The following DCC variants were observed in gnomAD, a reference collection of about 807,000 sequenced individuals.
DCC encodes netrin receptor DCC.
DCC carries 58 observed loss-of-function variants against 172.5 expected under a neutral mutation model. The ratio of observed to expected loss-of-function variants is 0.34; its 90% CI spans 0.27 to 0.42. The LOEUF (loss-of-function observed/expected upper bound fraction) is 0.42, where lower values mean the gene tolerates loss of function less well. DCC is among the 10% of genes least tolerant of loss of function. The probability of loss-of-function intolerance (pLI) is 1.00; values close to 1 mark genes in which losing one functional copy is unlikely to be tolerated. For synonymous variants in DCC, 709 were observed against 644.5 expected, an observed-to-expected ratio of 1.10 and a Z score of -1.52; for missense variants, 1,740 against 1,791.0, an observed-to-expected ratio of 0.97 and a Z score of 0.51.
chr18:53,410,622 C>A lies in DCC; in HGVS notation c.3106C>A (p.Pro1036Thr). The change falls in exon 20 of 29, where the codon CCT (proline) becomes ACT (threonine). Residue 1036 changes from proline (P) to threonine (T), a missense_variant. By Grantham distance (38) the Pro-to-Thr change is conservative. Transcript: ENST00000442544. ...AAAAGGAGTGGGGCCACTCTCTGAT[C>A]CTATCCTCTTCAGGACTCTGAAAGG... ...NSKGVGPLSD[P>T]ILFRTLKVEH... 1.9e-6 allele frequency: 3 copies of A among 1,604,324 alleles called. No individual in the cohort carries two copies. The highest frequency in any genetic ancestry group is 2.6e-6 in the Non-Finnish European group (3 of 1,170,970).
intron 2 of DCC, among the ~76,000 whole-genome samples, chr18:52,786,606 A>G (rs921246832): frequency 2.6e-5 from 4 of 152,148 alleles, no homozygotes; most frequent in African/African-American, 9.6e-5. Flanking sequence ...ACTCAGTTCC[A>G]CAAGGAATCT....
At chr18:53,469,653 A>G (rs1422758299) in intron 25 of DCC, among the ~76,000 whole-genome samples, 1 of 151,882 alleles carries the variant, frequency 6.6e-6, no homozygotes, top group Non-Finnish European at 1.5e-5. Flanking sequence ...TTCCTGCATC[A>G]TCAGTTTTTT....
chr18:52,730,869 C>T (rs984296066), intron 1 of DCC, among the ~76,000 whole-genome samples: 2 of 152,150 alleles, frequency 1.3e-5, no homozygotes, highest in Non-Finnish European at 2.9e-5. Flanking sequence ...CACTGCACCC[C>T]AAGAATTAGG....
chr18:52,952,807 C>T (rs2040673928), intron 5 of DCC, among the ~76,000 whole-genome samples: 1 of 151,672 alleles, frequency 6.6e-6, no homozygotes, highest in African/African-American at 2.4e-5. Flanking sequence ...CAAGACTATC[C>T]TCGGCAACAT....
At chr18:52,895,102 C>T (rs572178747) in intron 2 of DCC, among the ~76,000 whole-genome samples, 37 of 152,240 alleles carry the variant, frequency 2.4e-4, no homozygotes, top group South Asian at 1.9e-3. Flanking sequence ...AGGGTGGTGA[C>T]AGTGATGTGA....
chr18:53,012,934 A>G (rs2041751744), intron 5 of DCC, among the ~76,000 whole-genome samples: 1 of 152,184 alleles, frequency 6.6e-6, no homozygotes, highest in Admixed American at 6.5e-5. Flanking sequence ...GACACTTCTC[A>G]AAAGAAGACA....
rs529633947 is a variant in DCC, at chr18:53,328,990, C to T, written c.2164+6833C>T. 6.0e-4 allele frequency among the ~76,000 whole-genome samples: 92 copies of T among 152,270 alleles called. No individual in the cohort carries two copies. In the Middle Eastern group the frequency reaches 0.01, roughly 17 times the overall value. On this transcript the variant is annotated intron_variant, in intron 14 of 28. Coordinates refer to ENST00000442544, the MANE Select transcript of DCC (RefSeq NM_005215.4). ...ATTTAGGGAACAGATGTATCCATTT[C>T]TGTTACAAAAGGAGAGTGTACATTC...
intron 1 of DCC, among the ~76,000 whole-genome samples, chr18:52,354,973 A>G (rs1407535945): frequency 6.6e-6 from 1 of 152,210 alleles, no homozygotes; most frequent in African/African-American, 2.4e-5. Context: ...TAAAGTCTAT[A>G]GAATTTGCTA....
chr18:53,416,824 A>G (rs925210310), intron 21 of DCC, among the ~76,000 whole-genome samples: 1 of 152,244 alleles, frequency 6.6e-6, no homozygotes, highest in Non-Finnish European at 1.5e-5. Context: ...ATAAGTGGAT[A>G]TGAACTTACT....
chr18:52,471,542 A>C (rs1409630381), intron 1 of DCC, among the ~76,000 whole-genome samples: 1 of 152,202 alleles, frequency 6.6e-6, no homozygotes, highest in Non-Finnish European at 1.5e-5. Context: ...AACAGAAATT[A>C]TTCTTCTTAA....
At chr18:52,813,020 C>A (rs1404784751) in intron 2 of DCC, among the ~76,000 whole-genome samples, 1 of 152,166 alleles carries the variant, frequency 6.6e-6, no homozygotes, top group African/African-American at 2.4e-5. Context: ...AAAAGAAACA[C>A]ATGGCTTCTG....
chr18:52,860,608 A>G (rs1046210530), intron 2 of DCC, among the ~76,000 whole-genome samples: 3 of 152,198 alleles, frequency 2.0e-5, no homozygotes, highest in Non-Finnish European at 4.4e-5. Context: ...TAGTAAGACC[A>G]TTTGTTTGCA....
Position 53,499,600 on chromosome 18 carries a change from T to G in DCC, c.4111+90T>G, listed in dbSNP as rs2046071602. 2.9e-6 allele frequency: 3 copies of G among 1,040,656 alleles called. No individual in the cohort carries two copies. The East Asian group carries it at 7.1e-5, about 25-fold the overall frequency. 64.5% of individuals were successfully genotyped at this position (1,040,656 alleles called of 1,614,324 possible). On this transcript the variant is annotated intron_variant, in intron 27 of 28. Transcript: ENST00000442544. ...GAGGGTGCTTGAGAAGGCCTAGATG[T>G]CATATATCTTTTCAATGCTGATTAC...
At chr18:52,691,296 G>A (rs1041094686) in intron 1 of DCC, among the ~76,000 whole-genome samples, 44 of 152,202 alleles carry the variant, frequency 2.9e-4, no homozygotes, top group African/African-American at 1.0e-3. Context: ...CCTGGCCAAG[G>A]CTCACTTGTC....
At chr18:53,020,046 G>A (rs918687982) in intron 5 of DCC, among the ~76,000 whole-genome samples, 10 of 152,148 alleles carry the variant, frequency 6.6e-5, no homozygotes, top group Admixed American at 3.3e-4. Context: ...GATGGACACT[G>A]TGGGAACTTT....
At chr18:53,474,046 A>G (rs569224338) in intron 25 of DCC, among the ~76,000 whole-genome samples, 1 of 152,290 alleles carries the variant, frequency 6.6e-6, no homozygotes, top group South Asian at 2.1e-4. Context: ...ATTATCAGAT[A>G]ACAACACATA....
chr18:52,587,054 A>G (rs1291147397), intron 1 of DCC, among the ~76,000 whole-genome samples: 1 of 152,200 alleles, frequency 6.6e-6, no homozygotes, highest in African/African-American at 2.4e-5. Flanking sequence ...AGGATAATCA[A>G]ACCCATAGCC....
At chr18:53,144,563 C>T (rs1229930426) in intron 7 of DCC, among the ~76,000 whole-genome samples, 1 of 152,046 alleles carries the variant, frequency 6.6e-6, no homozygotes, top group Admixed American at 6.5e-5. Context: ...GAAAGACCCG[C>T]CCCCATGATT....
At position 53,214,691 on chromosome 18, in the gene DCC, C is replaced by T. The variant is rs2055817662; in HGVS notation, c.1862-857C>T. ...CAATTTATTGAATGCTACTTCTATT[C>T]CTATTATGGGGCAAAAAGCTTTATT... On this transcript the variant is annotated intron_variant, in intron 11 of 28. Coordinates refer to ENST00000442544, the MANE Select transcript of DCC (RefSeq NM_005215.4). Among the ~76,000 whole-genome samples the T allele has an allele frequency of 3.3e-5, 5 of 152,200 alleles. No homozygotes were observed. The South Asian group carries it at 1.0e-3, about 32-fold the overall frequency.
Sources: gnomAD v4.1 joint callset for allele counts (sites outside exome capture counted in the v4.1 genomes callset) on GRCh38, gnomAD v4.1.1 for gene constraint, MANE v1.5 for transcripts, NCBI Gene and HGNC (gene_info 2026-07-23, HGNC 2026-07-21) for gene names.